The following CABP5 variants were observed in gnomAD, a reference collection of about 807,000 sequenced individuals.
CABP5 encodes the protein calcium binding protein 5.
CABP5 carries 17 observed loss-of-function variants against 21.9 expected under a neutral mutation model. That is an observed-to-expected ratio of 0.78 (90% confidence interval 0.53 to 1.17). The LOEUF (loss-of-function observed/expected upper bound fraction) is 1.17, where lower values mean the gene tolerates loss of function less well. Ranked by LOEUF, CABP5 falls within the 50% of genes most tolerant of loss-of-function variation. The probability of loss-of-function intolerance (pLI) is 0.00; values close to 1 mark genes in which losing one functional copy is unlikely to be tolerated. For synonymous variants in CABP5, 85 were observed against 79.4 expected, an observed-to-expected ratio of 1.07 and a Z score of -0.37; for missense variants, 229 against 228.9, an observed-to-expected ratio of 1.00 and a Z score of 0.00.
Position 48,034,263 on chromosome 19 carries a change from C to CCTCAGAGAT in CABP5, c.439_447dup (p.Ile147_Glu149dup), listed in dbSNP as rs1967378478. 1 of 1,608,036 alleles carries CCTCAGAGAT rather than the reference C, an allele frequency of 6.2e-7. No individual in the cohort carries two copies. Among genetic ancestry groups the CCTCAGAGAT allele is most frequent in the African/African-American group, 1.3e-5 (1 of 74,566 alleles). ...CCATTAACATCAGCCTCCCGGACAA[C>CCTCAGAGAT]CTCAGAGATCTCCCGGGGGGTGAGC... is the stretch of plus-strand genomic sequence containing the variant. On this transcript the variant is annotated inframe_insertion, in exon 5 of 6. Transcript: ENST00000293255.
rs367760246 is a variant in CABP5 at position 48,030,669 on chromosome 19, C to T, written c.497-87G>A. 1.9e-3 allele frequency: 2,366 copies of T among 1,275,354 alleles called. 63 individuals are homozygous for T. In the South Asian group the frequency reaches 0.028, roughly 15 times the overall value. The allele number at this position is 1,275,354 out of a possible 1,614,324, so 79.0% of individuals were successfully genotyped here. ...TTTTGAGCCCTTCCTATGTGGCAGGCACTGCTGGTGATCCCTGGGAAATTA... is the reference window on the plus strand; with the variant it reads ...TTTTGAGCCCTTCCTATGTGGCAGGTACTGCTGGTGATCCCTGGGAAATTA... On this transcript the variant is annotated intron_variant, in intron 5 of 5. Coordinates refer to ENST00000293255, the MANE Select transcript of CABP5 (RefSeq NM_019855.5).
chr19:48,034,335 T>C lies in CABP5; in HGVS notation c.376A>G (p.Thr126Ala). 1 of 1,594,532 alleles carries C rather than the reference T, an allele frequency of 6.3e-7. No homozygotes were observed. The highest frequency in any genetic ancestry group is 8.5e-7 in the Non-Finnish European group (1 of 1,171,200). The change falls in exon 5 of 6, where the codon ACC becomes GCC. Residue 126 changes from threonine (T) to alanine (A), a missense_variant. Transcript: ENST00000293255. ...ATGGCCTGCTGTAGCTCCACCAGGG[T>C]GATCTCCCCATCTCCATTCGTGTCA... ...EFDTNGDGEITLVELQQAMQR... is the reference protein window; with the variant it reads ...EFDTNGDGEIALVELQQAMQR...
intron 4 of CABP5, among the ~76,000 whole-genome samples, chr19:48,035,129 T>C (rs1335181040): frequency 6.6e-6 from 1 of 152,272 alleles, no homozygotes; most frequent in Non-Finnish European, 1.5e-5. Flanking sequence ...TCCTTCTCTG[T>C]GGCTCCCCAG....
At chr19:48,039,595 G>A (rs1357622752) in intron 3 of CABP5, among the ~76,000 whole-genome samples, 5 of 148,246 alleles carry the variant, frequency 3.4e-5, no homozygotes, top group African/African-American at 1.0e-4. Flanking sequence ...GTACAAAGAG[G>A]AGCATGAATT....
intron 5 of CABP5, among the ~76,000 whole-genome samples, chr19:48,033,017 T>C (rs1600121657): frequency 8.5e-6 from 1 of 117,982 alleles, no homozygotes; most frequent in African/African-American, 3.3e-5. Context: ...TGACATGCTT[T>C]TTTTTTTTTT....
rs1456469164 is a variant in CABP5 at position 48,043,846 on chromosome 19, A to C, written c.63+14T>G. ...GCCCCGCCCACCGCCCTTCCCCCTC[A>C]CTCCCCACCTCACCCGCTGTTTCTC... is the stretch of plus-strand genomic sequence containing the variant. On this transcript the variant is annotated intron_variant, in intron 1 of 5. Transcript: ENST00000293255. 5.5e-6 allele frequency: 8 copies of C among 1,463,010 alleles called. No homozygotes were observed. The highest frequency in any genetic ancestry group is 2.8e-5 in the South Asian group (2 of 70,688). 90.6% of individuals were successfully genotyped at this position (1,463,010 alleles called of 1,614,324 possible). A position where few individuals can be genotyped will look rare whatever the true frequency, so the allele number is the denominator to read the frequency against.
intron 1 of CABP5, 147 bp downstream of exon 1, chr19:48,043,713 G>C: frequency 1.7e-6 from 1 of 574,198 alleles, no homozygotes; most frequent in South Asian, 5.6e-5. Flanking sequence ...ACCCCACCAG[G>C]GTCCTTGGAA....
At chr19:48,040,110 C>T (rs1394524785) in intron 3 of CABP5, among the ~76,000 whole-genome samples, 1 of 152,192 alleles carries the variant, frequency 6.6e-6, no homozygotes, top group Admixed American at 6.5e-5. Context: ...GCTGTATTCA[C>T]CAACATTAGC....
chr19:48,039,175 A>G, intron 4 of CABP5, 33 bp downstream of exon 4: 2 of 1,537,904 alleles, frequency 1.3e-6, no homozygotes, highest in Middle Eastern at 1.7e-4. Context: ...GTCTGCCTCT[A>G]CCATCACCAG....
chr19:48,030,469 G>A lies in CABP5; in HGVS notation c.*88C>T. 1.4e-6 allele frequency: 2 copies of A among 1,388,148 alleles called. No individual in the cohort carries two copies. Among genetic ancestry groups the A allele is most frequent in the Non-Finnish European group, 2.0e-6 (2 of 997,402 alleles). The allele number at this position is 1,388,148 out of a possible 1,614,324, so 86.0% of individuals were successfully genotyped here. A position where few individuals can be genotyped will look rare whatever the true frequency, so the allele number is the denominator to read the frequency against. ...GCCTGCCCTCCCTCTCTGCTTTAAG[G>A]GGATCTGGGGCTTTTGGGCTTTGGT... On this transcript the variant is annotated 3_prime_UTR_variant, in exon 6 of 6. Transcript: ENST00000293255.
chr19:48,034,607 G>A (rs1209546547), intron 4 of CABP5, among the ~76,000 whole-genome samples: 2 of 147,384 alleles, frequency 1.4e-5, no homozygotes, highest in African/African-American at 2.5e-5. Context: ...GTGCAGTGGT[G>A]CAATCTCAGC....
At chr19:48,034,639 G>T (rs1313302445) in intron 4 of CABP5, among the ~76,000 whole-genome samples, 1 of 150,456 alleles carries the variant, frequency 6.6e-6, no homozygotes. Flanking sequence ...TTCACCTCCT[G>T]GATTCAAGCG....
In CABP5 at chr19:48,040,645, C is replaced by T; in HGVS notation, c.198G>A (p.Glu66=). The T allele has an allele frequency of 6.2e-7, 1 of 1,614,008 alleles. No individual in the cohort carries two copies. Among genetic ancestry groups the T allele is most frequent in the Non-Finnish European group, 8.5e-7 (1 of 1,179,928 alleles). Residue 66 remains glutamate (E), a synonymous_variant, in exon 3 of 6, where the codon GAG becomes GAA. Transcript: ENST00000293255. ...GCTGGCCGAGCTCAATCAGTTCCAT[C>T]TCCGTGGGCATGTAACCCATCGTCC... ...LMRTMGYMPT[E]MELIELGQQI... is the part of the protein sequence containing the mutation.
chr19:48,043,832 C>A (rs777341238), intron 1 of CABP5, 28 bp downstream of exon 1: 20 of 1,482,540 alleles, frequency 1.3e-5, no homozygotes, highest in East Asian at 2.7e-5. Context: ...CCCCGCCCAC[C>A]GCCCTTCCCC....
chr19:48,040,223 C>G (rs1236497595), intron 3 of CABP5, among the ~76,000 whole-genome samples: 2 of 152,128 alleles, frequency 1.3e-5, no homozygotes, highest in African/African-American at 4.8e-5. Flanking sequence ...TAAGAATTTA[C>G]TGGAGGCTAA....
rs747760742 is a variant in CABP5, at chr19:48,040,731, G to T, written c.112C>A (p.Leu38Ile). The change falls in exon 3 of 6, where the codon CTT becomes ATT. Residue 38 changes from leucine (L) to isoleucine (I), a missense_variant. By Grantham distance (5) the Leu-to-Ile change is conservative. Coordinates refer to ENST00000293255, the MANE Select transcript of CABP5 (RefSeq NM_019855.5). ...DEIEELREAF[L>I]EFDKDRDGFI... ...CCATCTCGGTCCTTATCGAACTCAA[G>T]AAATGCTTCCCGCAGCTCTGAAAGT... 4.3e-6 allele frequency: 7 copies of T among 1,614,032 alleles called. No homozygotes were observed. In the South Asian group the frequency reaches 7.7e-5, roughly 18 times the overall value.
In CABP5 at chr19:48,040,349, G is replaced by A. The variant is rs544822187; in HGVS notation, c.238+256C>T. ...GAGGAAATGGAAACTGAAGAGTAGC[G>A]GATAACTTCACTTTTCAAAATGACT... On this transcript the variant is annotated intron_variant, in intron 3 of 5. Transcript: ENST00000293255. Among the ~76,000 whole-genome samples, 196 of 152,206 alleles carry A rather than the reference G, an allele frequency of 1.3e-3. 1 individual carries two copies. The highest frequency in any genetic ancestry group is 4.5e-3 in the African/African-American group (188 of 41,544).
Position 48,040,670 on chromosome 19 carries a change from C to T in CABP5, c.173G>A (p.Arg58Lys), listed in dbSNP as rs1967469215. ...CTCCGTGGGCATGTAACCCATCGTC[C>T]TCATGAGATTCCCCAGATCCTTACA... ...ISCKDLGNLM[R>K]TMGYMPTEME... The change falls in exon 3 of 6, where the codon AGG (arginine) becomes AAG (lysine). Residue 58 changes from arginine (R) to lysine (K), a missense_variant. Arg to Lys is a conservative substitution (Grantham distance 26). Transcript: ENST00000293255. The T allele has an allele frequency of 6.2e-7, 1 of 1,614,026 alleles. No homozygotes were observed. The highest frequency in any genetic ancestry group is 1.3e-5 in the African/African-American group (1 of 75,020).
At chr19:48,032,993 T>C (rs1967359852) in intron 5 of CABP5, among the ~76,000 whole-genome samples, 1 of 149,782 alleles carries the variant, frequency 6.7e-6, no homozygotes, top group African/African-American at 2.5e-5. Context: ...CCAAAGAATG[T>C]CACAATTAGA....
Sources: allele counts gnomAD v4.1 joint callset (sites outside exome capture counted in the v4.1 genomes callset), GRCh38; gene constraint gnomAD v4.1.1; transcripts MANE v1.5; gene names NCBI Gene and HGNC (gene_info 2026-07-23, HGNC 2026-07-21).